Variants in FES observed in about 807,000 individuals in gnomAD.
FES encodes FES proto-oncogene, tyrosine kinase, also known as tyrosine-protein kinase Fes/Fps.
Under a neutral mutation model 109.6 loss-of-function variants are expected in FES, and 83 were observed. The ratio of observed to expected loss-of-function variants is 0.76; its 90% confidence interval spans 0.63 to 0.91. The LOEUF (loss-of-function observed/expected upper bound fraction) is 0.91. Ranked by LOEUF, FES falls within the 40% of genes least tolerant of loss-of-function variation. The probability of loss-of-function intolerance (pLI) is 0.00; values close to 1 mark genes in which losing one functional copy is unlikely to be tolerated. For synonymous variants in FES, 458 were observed against 442.1 expected (o/e 1.04, Z -0.45); for missense variants, 943 against 1,070.9 (o/e 0.88, Z 1.67).
rs762327985 is a variant in FES, at chr15:90,889,448, G to A, written c.806+5G>A. On this transcript the variant is annotated splice_donor_5th_base_variant and intron_variant, in intron 6 of 18. Coordinates refer to ENST00000328850, the MANE Select transcript of FES (RefSeq NM_002005.4). The surrounding 1 kb of genome is among the most constrained non-coding windows in gnomAD (Gnocchi z 6.1). ...AGGCTTCCTGCGACAGTATGGGTAA[G>A]CCCCGTCCTTGCTCCTGCTGGGCCC... 6.2e-7 allele frequency: 1 copy of A among 1,613,976 alleles called. No homozygotes were observed. Among genetic ancestry groups the A allele is most frequent in the Non-Finnish European group, 8.5e-7 (1 of 1,179,970 alleles).
At chr15:90,888,254 C>T (rs1050111864) in intron 5 of FES, among the ~76,000 whole-genome samples, 6 of 152,146 alleles carry the variant, frequency 3.9e-5, no homozygotes, top group South Asian at 2.1e-4. Flanking sequence ...TACGGGCATG[C>T]GCCACCACAC....
chr15:90,890,069 C>T lies in FES; in HGVS notation c.1050-23C>T, dbSNP rs770821004. The T allele has an allele frequency of 3.3e-6, 5 of 1,533,844 alleles. 1 individual carries two copies. The South Asian group carries it at 5.9e-5, about 18-fold the overall frequency. On this transcript the variant is annotated intron_variant, in intron 8 of 18. Coordinates refer to ENST00000328850, the MANE Select transcript of FES (RefSeq NM_002005.4). ...GACCGAGCCCTTATTCTCATCCACC[C>T]TCCCACCCGCCCCTGCCTGCAGGGT...
At chr15:90,887,596 T>C (rs929453305) in intron 5 of FES, among the ~76,000 whole-genome samples, 2 of 152,224 alleles carry the variant, frequency 1.3e-5, no homozygotes, top group Admixed American at 6.5e-5. Context: ...TTGAGCACTG[T>C]TCTGGGCTCT....
In FES at chr15:90,889,578, C is replaced by T; in HGVS notation, c.868C>T (p.Pro290Ser). The T allele has an allele frequency of 6.2e-7, 1 of 1,613,748 alleles. No individual in the cohort carries two copies. Among genetic ancestry groups the T allele is most frequent in the Non-Finnish European group, 8.5e-7 (1 of 1,180,018 alleles). ...TGAGTCACTGCTTGAGGAGGGTGAA[C>T]CGCTGGAGCCTGGGGAGCTCCAGCT... ...FDESLLEEGE[P>S]LEPGELQLNE... Residue 290 changes from proline to serine, a missense_variant, in exon 7 of 19, where the codon CCG becomes TCG. Physicochemically the swap from Pro to Ser is moderately conservative, Grantham distance 74. Transcript: ENST00000328850. This position sits in a 1 kb window ranked among gnomAD's most constrained non-coding sequence, Gnocchi z 6.1.
Position 90,885,027 on chromosome 15 carries a change from C to A in FES, c.-9-10C>A. ...CTTGCCTCCAGGGATGGCCCCTTTT[C>A]TGTCCCCAGAACAGCACTATGGGCT... On this transcript the variant is annotated splice_polypyrimidine_tract_variant and intron_variant, in intron 1 of 18. Coordinates refer to ENST00000328850, the MANE Select transcript of FES (RefSeq NM_002005.4). 1 of 1,586,688 alleles carries A rather than the reference C, an allele frequency of 6.3e-7. No individual in the cohort carries two copies. The highest frequency in any genetic ancestry group is 1.1e-5 in the South Asian group (1 of 88,260).
rs1335395545 is a variant in FES, at chr15:90,885,496, A to C, written c.298A>C (p.Ser100Arg). 2.5e-6 allele frequency: 4 copies of C among 1,613,424 alleles called. No individual in the cohort carries two copies. The South Asian group carries it at 4.4e-5, about 18-fold the overall frequency. Residue 100 changes from serine to arginine, a missense_variant, in exon 3 of 19, where the codon AGC becomes CGC. Transcript: ENST00000328850. ...HAEDLNSGPL[S>R]KLSLLIRERQ... The stretch of plus-strand genomic sequence containing the variant: ...AGAGGATCTGAACTCAGGGCCCCTG[A>C]GCAAGCTGAGCCTGCTCATCCGGGA...
At chr15:90,893,627 A>G in intron 16 of FES, 27 bp from the exon 17 acceptor site, 1 of 1,541,994 alleles carries the variant, frequency 6.5e-7, no homozygotes, top group Non-Finnish European at 8.7e-7. Flanking sequence ...CTGTTGGCCA[A>G]ATGAGCCCCT....
Position 90,889,369 on chromosome 15 carries a change from T to A in FES, c.732T>A (p.Ile244=). 6.2e-7 allele frequency: 1 copy of A among 1,613,938 alleles called. No individual in the cohort carries two copies. Among genetic ancestry groups the A allele is most frequent in the Non-Finnish European group, 8.5e-7 (1 of 1,179,988 alleles). The change falls in exon 6 of 19, where the codon ATT becomes ATA. Residue 244 remains isoleucine (I), a synonymous_variant. Transcript: ENST00000328850. This position sits in a 1 kb window ranked among gnomAD's most constrained non-coding sequence, Gnocchi z 6.1. ...SSLVQDEVVA[I]HREMAAAAAR... The stretch of plus-strand genomic sequence containing the variant: ...TGGTGCAGGATGAGGTGGTGGCCAT[T>A]CACCGGGAGATGGCTGCAGCTGCTG...
Position 90,886,288 on chromosome 15 carries a change from C to T in FES, c.388-673C>T, listed in dbSNP as rs551415185. Among the ~76,000 whole-genome samples the T allele has an allele frequency of 3.0e-4, 45 of 152,322 alleles. No individual in the cohort carries two copies. The East Asian group carries it at 8.5e-3, about 29-fold the overall frequency. On this transcript the variant is annotated intron_variant, in intron 3 of 18. Transcript: ENST00000328850. ...AGTTTTGCTGGAACACAGCTATGCC[C>T]TTTTGTTTTCATATTGTCTGTGACT... is the stretch of plus-strand genomic sequence containing the variant.
chr15:90,895,345 T>C, intron 18 of FES, 71 bp from the exon 19 acceptor site: 1 of 1,327,442 alleles, frequency 7.5e-7, no homozygotes, highest in Non-Finnish European at 1.0e-6. Flanking sequence ...TGGCTCATGG[T>C]ATCCCCCAGA....
At chr15:90,887,486 C>T (rs2032766000) in intron 5 of FES, 116 bp downstream of exon 5, 2 of 1,120,318 alleles carry the variant, frequency 1.8e-6, no homozygotes, top group African/African-American at 3.1e-5. Flanking sequence ...GCCATGTAAC[C>T]ACATGAGAAC....
rs2032489653 is a variant in FES, at chr15:90,885,400, T to C, written c.214-12T>C. The C allele has an allele frequency of 6.2e-7, 1 of 1,605,246 alleles. No individual in the cohort carries two copies. The highest frequency in any genetic ancestry group is 8.5e-7 in the Non-Finnish European group (1 of 1,175,670). On this transcript the variant is annotated splice_polypyrimidine_tract_variant and intron_variant, in intron 2 of 18. Transcript: ENST00000328850. ...TGCCCCCCTCCCTGCCTCCCCCATC[T>C]GTGCTGTATAGTCCTGGGCTGAGAT...
chr15:90,893,031 C>T (rs2033375957), intron 14 of FES, 69 bp from the exon 15 acceptor site: 1 of 1,542,478 alleles, frequency 6.5e-7, no homozygotes, highest in African/African-American at 1.4e-5. Context: ...AGCTCTTCTC[C>T]CATCATCCCT....
intron 12 of FES, 23 bp from the exon 13 acceptor site, chr15:90,892,035 C>CCCCT: frequency 2.5e-6 from 4 of 1,614,036 alleles, no homozygotes; most frequent in Non-Finnish European, 3.4e-6. Context: ...GACTTCTGAT[C>CCCCT]CCCTGTCTCC....
At chr15:90,893,025 C>T (rs369792771) in intron 14 of FES, 75 bp from the exon 15 acceptor site, 99 of 1,529,278 alleles carry the variant, frequency 6.5e-5, no homozygotes, top group East Asian at 3.3e-4. Context: ...AGGCCAAGCT[C>T]TTCTCCCATC....
At position 90,893,311 on chromosome 15, in the gene FES, C is replaced by A; in HGVS notation, c.1942C>A (p.Leu648Ile). 1 of 1,576,088 alleles carries A rather than the reference C, an allele frequency of 6.3e-7. No homozygotes were observed. Reference sequence around the variant, plus strand: ...TGCAGGGGGCGACTTCCTGACCTTCCTCCGCACGGAGGGGGCCCGCCTGCG... The same window carrying A: ...TGCAGGGGGCGACTTCCTGACCTTCATCCGCACGGAGGGGGCCCGCCTGCG... ...LVQGGDFLTF[L>I]RTEGARLRVK... Residue 648 changes from leucine to isoleucine, a missense_variant, in exon 16 of 19, where the codon CTC becomes ATC. Physicochemically the swap from Leu to Ile is conservative, Grantham distance 5. Transcript: ENST00000328850.
In FES at chr15:90,890,022, C is replaced by G. The variant is rs990526284; in HGVS notation, c.1049+60C>G. 23 of 1,588,358 alleles carry G rather than the reference C, an allele frequency of 1.4e-5. No homozygotes were observed. The African/African-American group carries it at 2.7e-4, about 19-fold the overall frequency. On this transcript the variant is annotated intron_variant, in intron 8 of 18. Transcript: ENST00000328850. ...CCTCCCTCCCTCCTACCTACCCTAA[C>G]TGCTGCTGGCTACCCGCCGCAGACC...
chr15:90,886,692 C>T (rs2032664548), intron 3 of FES, among the ~76,000 whole-genome samples: 1 of 152,254 alleles, frequency 6.6e-6, no homozygotes, highest in Non-Finnish European at 1.5e-5. Context: ...AGGCCGTGCA[C>T]ACCTGCAACT....
At chr15:90,893,574 T>A in intron 16 of FES, 80 bp from the exon 17 acceptor site, 4 of 1,507,724 alleles carry the variant, frequency 2.7e-6, no homozygotes, top group Non-Finnish European at 3.5e-6. Flanking sequence ...GCAGCTTTTG[T>A]CCTTGGCTTT....
Sources: gnomAD v4.1 joint callset for allele counts (sites outside exome capture counted in the v4.1 genomes callset) on GRCh38, gnomAD v4.1.1 for gene constraint, Gnocchi (gnomAD v3.1) non-coding constraint, MANE v1.5 for transcripts, NCBI Gene and HGNC (gene_info 2026-07-23, HGNC 2026-07-21) for gene names.